OCA2: variants seen among roughly 807,000 people sequenced by gnomAD.
OCA2 encodes OCA2 melanosomal transmembrane protein.
Under a neutral mutation model 100.2 loss-of-function variants are expected in OCA2, and 77 were observed. The ratio of observed to expected loss-of-function variants is 0.77; its 90% CI spans 0.64 to 0.93. The LOEUF (loss-of-function observed/expected upper bound fraction) is 0.93. Ranked by LOEUF, OCA2 falls within the 40% of genes least tolerant of loss-of-function variation. The pLI is 0.00. For synonymous variants in OCA2, 432 were observed against 439.2 expected (o/e 0.98, Z 0.21); for missense variants, 1,062 against 1,089.1 (o/e 0.98, Z 0.35).
chr15:27,850,884 A>C (rs1440732832), intron 22 of OCA2, among the ~76,000 whole-genome samples: 3 of 152,134 alleles, frequency 2.0e-5, no homozygotes, highest in African/African-American at 7.2e-5. Flanking sequence ...TCTGCTCACC[A>C]GAGGTCAGTC....
At chr15:27,939,410 G>A (rs2039568246) in intron 18 of OCA2, among the ~76,000 whole-genome samples, 1 of 152,170 alleles carries the variant, frequency 6.6e-6, no homozygotes, top group Non-Finnish European at 1.5e-5. Context: ...TGTAAAATAT[G>A]AATATTATGC....
chr15:27,893,388 C>G (rs1163374189), intron 19 of OCA2, among the ~76,000 whole-genome samples: 3 of 152,058 alleles, frequency 2.0e-5, no homozygotes, highest in African/African-American at 7.2e-5. Context: ...TGAAAAAGTA[C>G]AGAATAACAG....
At position 27,755,316 on chromosome 15, in the gene OCA2, G is replaced by A; in HGVS notation, c.*72C>T. The A allele has an allele frequency of 9.0e-7, 1 of 1,105,008 alleles. No homozygotes were observed. Among genetic ancestry groups the A allele is most frequent in the Non-Finnish European group, 1.4e-6 (1 of 718,878 alleles). The allele number at this position is 1,105,008 out of a possible 1,614,324, so 68.5% of individuals were successfully genotyped here. A position where few individuals can be genotyped will look rare whatever the true frequency, so the allele number is the denominator to read the frequency against. On this transcript the variant is annotated 3_prime_UTR_variant, in exon 24 of 24. Transcript: ENST00000354638. Reference sequence around the variant, plus strand: ...TTTTCTTCTTCAAACAGTGGGGTCAGGGTAGTTTTATGACTAATGGGTTGT... The same window carrying A: ...TTTTCTTCTTCAAACAGTGGGGTCAAGGTAGTTTTATGACTAATGGGTTGT...
chr15:27,812,271 A>G, intron 23 of OCA2, among the ~76,000 whole-genome samples: 1 of 152,214 alleles, frequency 6.6e-6, no homozygotes, highest in Admixed American at 6.5e-5. Flanking sequence ...GAATACCTCT[A>G]AGTATTTGAT....
chr15:27,767,077 T>C (rs1309359045), intron 23 of OCA2, among the ~76,000 whole-genome samples: 1 of 152,062 alleles, frequency 6.6e-6, no homozygotes, highest in Admixed American at 6.5e-5. Flanking sequence ...TTCTAGGTCC[T>C]GTGACCGCCA....
chr15:28,008,258 T>C (rs888798917), intron 9 of OCA2, among the ~76,000 whole-genome samples: 2 of 152,350 alleles, frequency 1.3e-5, no homozygotes, highest in African/African-American at 4.8e-5. Flanking sequence ...TTTATTCAAA[T>C]ACCTGTGCTA....
intron 18 of OCA2, among the ~76,000 whole-genome samples, 155 bp from the exon 19 acceptor site, chr15:27,926,409 G>A (rs942118512): frequency 5.3e-5 from 8 of 151,986 alleles, no homozygotes; most frequent in Admixed American, 5.2e-4. Context: ...TTGGTTATGT[G>A]TATACTCATG....
chr15:28,099,158 G>T, intron 1 of OCA2, 66 bp downstream of exon 1: 1 of 153,810 alleles, frequency 6.5e-6, no homozygotes, highest in East Asian at 1.9e-4. Context: ...AACCCTCCCT[G>T]CCTGTTCCCA....
At chr15:27,866,119 C>T (rs1220838839) in intron 21 of OCA2, among the ~76,000 whole-genome samples, 1 of 152,078 alleles carries the variant, frequency 6.6e-6, no homozygotes, top group Non-Finnish European at 1.5e-5. Flanking sequence ...GGCCATCGTA[C>T]CCAGAGGCTG....
intron 2 of OCA2, among the ~76,000 whole-genome samples, chr15:28,040,053 G>C (rs1265600040): frequency 1.3e-5 from 2 of 151,312 alleles, no homozygotes; most frequent in Non-Finnish European, 2.9e-5. Context: ...AAAAAGAAGA[G>C]GAAATTCAAA....
chr15:27,828,890 G>T (rs2034835530), intron 23 of OCA2, among the ~76,000 whole-genome samples: 1 of 152,194 alleles, frequency 6.6e-6, no homozygotes, highest in South Asian at 2.1e-4. Flanking sequence ...CTGGGGCTCT[G>T]CCGCCCTCTC....
intron 23 of OCA2, among the ~76,000 whole-genome samples, chr15:27,837,113 AAT>A (rs1447937185): frequency 6.6e-6 from 1 of 152,182 alleles, no homozygotes; most frequent in East Asian, 1.9e-4. Flanking sequence ...CCCATGGAGG[AAT>A]GTCCTGCAGA....
chr15:27,996,327 T>C (rs1444152149), intron 9 of OCA2, among the ~76,000 whole-genome samples: 1 of 152,138 alleles, frequency 6.6e-6, no homozygotes, highest in Admixed American at 6.5e-5. Flanking sequence ...GAAAACCACA[T>C]TGTGCCCCAT....
intron 23 of OCA2, among the ~76,000 whole-genome samples, chr15:27,800,861 AG>A (rs1408215491): frequency 3.3e-5 from 5 of 151,816 alleles, no homozygotes; most frequent in Admixed American, 2.0e-4. Flanking sequence ...TCAGTTACTC[AG>A]GAGGCTGAAG....
intron 7 of OCA2, 102 bp from the exon 8 acceptor site, chr15:28,016,288 G>T: frequency 2.2e-6 from 2 of 900,168 alleles, no homozygotes; most frequent in South Asian, 1.3e-5. Flanking sequence ...AAAAGAAAAG[G>T]AGAAAGAAAG....
chr15:27,980,430 A>C (rs987284353), intron 14 of OCA2, among the ~76,000 whole-genome samples: 1 of 152,190 alleles, frequency 6.6e-6, no homozygotes, highest in Non-Finnish European at 1.5e-5. Context: ...CACGGCCAGT[A>C]ATTTTTTAAA....
intron 21 of OCA2, among the ~76,000 whole-genome samples, chr15:27,870,810 A>AG (rs2036531977): frequency 4.5e-5 from 4 of 88,138 alleles, no homozygotes; most frequent in African/African-American, 1.1e-4. Flanking sequence ...GAAAGAAAGA[A>AG]AGAGAGAGAG....
At chr15:27,769,817 C>A (rs1413420785) in intron 23 of OCA2, among the ~76,000 whole-genome samples, 1 of 149,904 alleles carries the variant, frequency 6.7e-6, no homozygotes, top group Non-Finnish European at 1.5e-5. Flanking sequence ...CGGAGGCTGT[C>A]CCTTTTCTGT....
chr15:27,994,972 A>G (rs2041675631), intron 9 of OCA2, among the ~76,000 whole-genome samples: 1 of 152,202 alleles, frequency 6.6e-6, no homozygotes, highest in African/African-American at 2.4e-5. Flanking sequence ...CTAAAGTTAT[A>G]TCAGACAAAA....
Sources: gnomAD v4.1 joint callset for allele counts (sites outside exome capture counted in the v4.1 genomes callset) on GRCh38, gnomAD v4.1.1 for gene constraint, MANE v1.5 for transcripts, NCBI Gene and HGNC (gene_info 2026-07-23, HGNC 2026-07-21) for gene names.